DOCK9: variants seen among roughly 807,000 people sequenced by gnomAD.
DOCK9 encodes the protein dedicator of cytokinesis protein 9.
In DOCK9, 89 loss-of-function variants were observed where a neutral mutation model predicts 263.3. The ratio of observed to expected loss-of-function variants is 0.34; its 90% CI spans 0.28 to 0.40. DOCK9 has a LOEUF of 0.40. DOCK9 is among the 10% of genes least tolerant of loss of function. The pLI is 1.00. For missense variants in DOCK9, 2,140 were observed against 2,603.4 expected (o/e 0.82, Z 3.87); for synonymous variants, 976 against 973.1 (o/e 1.00, Z -0.06).
intron 1 of DOCK9, among the ~76,000 whole-genome samples, chr13:99,071,306 C>CATTTTTTTTTTTTTTTTTTTT (rs1286343497): frequency 2.0e-5 from 1 of 49,320 alleles, no homozygotes; most frequent in East Asian, 6.7e-4. Context: ...CCATGCCTGG[C>CATTTTTTTTTTTTTTTTTTTT]TTTTTTTTTT....
rs2092516853 is a variant in DOCK9 at position 98,825,956 on chromosome 13, T to C, written c.5023+874A>G. 1 of 1,518,610 alleles carries C rather than the reference T, an allele frequency of 6.6e-7. No individual in the cohort carries two copies. Among genetic ancestry groups the C allele is most frequent in the African/African-American group, 1.4e-5 (1 of 71,760 alleles). The allele number at this position is 1,518,610 out of a possible 1,614,324, so 94.1% of individuals were successfully genotyped here. On this transcript the variant is annotated intron_variant, in intron 44 of 52. Transcript: ENST00000682017. The surrounding 1 kb of genome is among the most constrained non-coding windows in gnomAD (Gnocchi z 4.1). ...TGGACTGCTTCTAAACATGAGGAAA[T>C]GCATCACCTGATAAAAGGTCTCAAC...
intron 2 of DOCK9, among the ~76,000 whole-genome samples, chr13:98,933,361 A>G (rs1176916173): frequency 1.3e-5 from 2 of 151,780 alleles, no homozygotes; most frequent in African/African-American, 2.4e-5. Flanking sequence ...AAGTCCCATT[A>G]TGTTCTCACT....
In DOCK9 at chr13:98,831,510, T is replaced by G; in HGVS notation, c.4473A>C (p.Glu1491Asp). 2 of 1,587,510 alleles carry G rather than the reference T, an allele frequency of 1.3e-6. No homozygotes were observed. Among genetic ancestry groups the G allele is most frequent in the Non-Finnish European group, 1.7e-6 (2 of 1,166,378 alleles). The change falls in exon 41 of 53, where the codon GAA becomes GAC. Residue 1491 changes from glutamate (E) to aspartate (D), a missense_variant. Around this residue, in one of 2 missense-constraint regions of DOCK9, gnomAD observed 619 missense variants for 861.8 expected, o/e 0.72. Transcript: ENST00000682017. ...GAGCCGCACACATGTCCGCTCTCCC[T>G]TCATAGAATGTTGAGGGAAACTAGA... ...LIYKFPSTFY[E>D]GRADMCAALC...
At chr13:99,065,489 T>C (rs981176506) in intron 1 of DOCK9, among the ~76,000 whole-genome samples, 2 of 152,158 alleles carry the variant, frequency 1.3e-5, no homozygotes, top group Non-Finnish European at 2.9e-5. Flanking sequence ...CTTGTCTGCC[T>C]TCCTCACTCC....
intron 48 of DOCK9, among the ~76,000 whole-genome samples, chr13:98,806,394 T>C (rs2090710253): frequency 1.3e-5 from 2 of 152,270 alleles, no homozygotes; most frequent in South Asian, 2.1e-4. Flanking sequence ...GGAAGACAAA[T>C]CAACAAATCA....
intron 39 of DOCK9, chr13:98,832,963 T>C (rs1158678155): frequency 6.6e-6 from 1 of 152,144 alleles, no homozygotes; most frequent in African/African-American, 2.4e-5. Context: ...TGGAGGGAAA[T>C]TTTTCCTCAA....
At position 98,868,224 on chromosome 13, in the gene DOCK9, TC is replaced by T; in HGVS notation, c.3090+6del. On this transcript the variant is annotated splice_donor_region_variant and intron_variant, in intron 28 of 52. Transcript: ENST00000682017. ...TAACTGATATCCTCTTCCCTGGAGG[TC>T]CCCACCTTGATGAAGACAGCAAGGC... 6.2e-7 allele frequency: 1 copy of T among 1,613,570 alleles called. No homozygotes were observed. Among genetic ancestry groups the T allele is most frequent in the Non-Finnish European group, 8.5e-7 (1 of 1,179,742 alleles).
chr13:98,872,307 T>C (rs1329397729), intron 27 of DOCK9, among the ~76,000 whole-genome samples: 3 of 152,224 alleles, frequency 2.0e-5, no homozygotes, highest in Non-Finnish European at 4.4e-5. Context: ...AATTTACCAA[T>C]GACATTTCCC....
chr13:98,818,831 T>TTGTGTG (rs142278524), intron 45 of DOCK9, among the ~76,000 whole-genome samples: 3 of 149,774 alleles, frequency 2.0e-5, no homozygotes, highest in South Asian at 2.1e-4. Flanking sequence ...CACACTAACA[T>TTGTGTG]TGTGTGTGTG....
At position 98,902,308 on chromosome 13, in the gene DOCK9, C is replaced by G. The variant is rs56010605; in HGVS notation, c.1360G>C (p.Ala454Pro). 8 of 1,613,728 alleles carry G rather than the reference C, an allele frequency of 5.0e-6. No homozygotes were observed. Among genetic ancestry groups the G allele is most frequent in the Non-Finnish European group, 5.9e-6 (7 of 1,179,854 alleles). The change falls in exon 12 of 53, where the codon GCC (alanine) becomes CCC (proline). Residue 454 changes from alanine to proline, a missense_variant. Transcript: ENST00000682017. ...SVLKGILHEA[A>P]MQYPKQGIFS... ...CCCACCTGCTTCGGATACTGCATGG[C>G]GGCTTCATGAAGGATGCCCTTGAGG...
intron 2 of DOCK9, among the ~76,000 whole-genome samples, chr13:98,946,616 C>T (rs9517499): frequency 0.18 from 28,100 of 152,144 alleles, 2,966 homozygotes; most frequent in East Asian, 0.44. Flanking sequence ...AAACTCAGAC[C>T]ACATTATCCT....
upstream of DOCK9, among the ~76,000 whole-genome samples, chr13:99,087,339 G>A (rs2042371148): frequency 6.6e-6 from 1 of 152,222 alleles, no homozygotes; most frequent in East Asian, 1.9e-4. Context: ...TTGGACGTGG[G>A]CAATACTTCG....
intron 1 of DOCK9, among the ~76,000 whole-genome samples, chr13:98,989,181 G>T (rs760217513): frequency 6.6e-5 from 10 of 152,034 alleles, no homozygotes; most frequent in Non-Finnish European, 1.0e-4. Flanking sequence ...AGACCCTCCA[G>T]AATATTCCAT....
At position 98,901,799 on chromosome 13, in the gene DOCK9, C is replaced by A. The variant is rs1247623937; in HGVS notation, c.1482G>T (p.Met494Ile). 2 of 1,612,600 alleles carry A rather than the reference C, an allele frequency of 1.2e-6. No homozygotes were observed. Among genetic ancestry groups the A allele is most frequent in the African/African-American group, 2.7e-5 (2 of 74,916 alleles). The change falls in exon 13 of 53, where the codon ATG becomes ATT. Residue 494 changes from methionine (M) to isoleucine (I), a missense_variant. This residue lies in a region of DOCK9 where 1,521 missense variants were observed against 1,741.7 expected (regional missense o/e 0.87). Transcript: ENST00000682017. Reference protein sequence around the residue: ...GSITHCAEPYMKSSDSSKVAQ... With the variant: ...GSITHCAEPYIKSSDSSKVAQ... ...ATACCTTAGAAGAGTCTGAACTTTTCATATATGGCTCAGCGCAATGTGTGA... is the reference window on the plus strand; with the variant it reads ...ATACCTTAGAAGAGTCTGAACTTTTAATATATGGCTCAGCGCAATGTGTGA...
At chr13:98,809,513 A>G in intron 46 of DOCK9, 48 bp from the exon 47 acceptor site, 1 of 1,461,092 alleles carries the variant, frequency 6.8e-7, no homozygotes, top group Non-Finnish European at 9.3e-7. Context: ...AAAGAGGAGA[A>G]TCGATTTTAA....
chr13:98,813,143 T>C (rs370888648), intron 45 of DOCK9, among the ~76,000 whole-genome samples: 12 of 152,236 alleles, frequency 7.9e-5, no homozygotes, highest in East Asian at 7.7e-4. Flanking sequence ...TTTAGTAGCT[T>C]ATTTTCCAAG....
intron 1 of DOCK9, among the ~76,000 whole-genome samples, chr13:99,020,680 T>C (rs1885990086): frequency 1.3e-5 from 2 of 152,036 alleles, no homozygotes. Flanking sequence ...TCTAGAAACA[T>C]GTGAAAAAAG....
chr13:99,066,497 T>C (rs559716399), intron 1 of DOCK9, among the ~76,000 whole-genome samples: 5 of 152,336 alleles, frequency 3.3e-5, no homozygotes, highest in South Asian at 2.1e-4. Flanking sequence ...CAAAGAACTA[T>C]AATAGCATAC....
At chr13:99,050,515 A>C (rs1351388051) in intron 1 of DOCK9, among the ~76,000 whole-genome samples, 3 of 152,094 alleles carry the variant, frequency 2.0e-5, no homozygotes, top group Non-Finnish European at 2.9e-5. Context: ...AACGTAGTGA[A>C]ACCCTGTCTC....
Sources: allele counts gnomAD v4.1 joint callset (sites outside exome capture counted in the v4.1 genomes callset), GRCh38; gene constraint gnomAD v4.1.1; regional missense constraint gnomAD v4.1.1; non-coding constraint Gnocchi (gnomAD v3.1); transcripts MANE v1.5; gene names NCBI Gene and HGNC (gene_info 2026-07-23, HGNC 2026-07-21).